SPTB: variants seen among roughly 807,000 people sequenced by gnomAD.
SPTB encodes the protein spectrin beta chain, erythrocytic.
A neutral mutation model predicts 256.2 loss-of-function variants in SPTB; 45 were observed. That is an observed-to-expected ratio of 0.18 (90% CI 0.14 to 0.23). SPTB has a LOEUF of 0.23. Among genes scored for constraint, SPTB ranks in the 10% least tolerant of loss-of-function variants. The pLI is 1.00. For missense variants in SPTB, 2,715 were observed against 3,040.4 expected (o/e 0.89, Z 2.52); for synonymous variants, 1,231 against 1,243.1 (o/e 0.99, Z 0.21).
At chr14:64,814,264 C>T (rs1221267235) in intron 2 of SPTB, among the ~76,000 whole-genome samples, 1 of 152,118 alleles carries the variant, frequency 6.6e-6, no homozygotes, top group Non-Finnish European at 1.5e-5. Context: ...AAATAATTTG[C>T]ATGTTTGCTG....
intron 1 of SPTB, among the ~76,000 whole-genome samples, chr14:64,859,247 C>A (rs2083920487): frequency 6.6e-6 from 1 of 152,060 alleles, no homozygotes; most frequent in Admixed American, 6.6e-5. Flanking sequence ...GAGCGAGACT[C>A]CGTCTCAGAA....
At chr14:64,836,846 C>T (rs1384236474) in intron 1 of SPTB, among the ~76,000 whole-genome samples, 1 of 152,162 alleles carries the variant, frequency 6.6e-6, no homozygotes, top group Non-Finnish European at 1.5e-5. Flanking sequence ...GCCAGAGTAT[C>T]CCTCTCAGGG....
At chr14:64,832,368 C>A (rs1298909278) in intron 1 of SPTB, among the ~76,000 whole-genome samples, 1 of 152,220 alleles carries the variant, frequency 6.6e-6, no homozygotes, top group Non-Finnish European at 1.5e-5. Context: ...CCAAGACACG[C>A]TCCTTGTTCC....
At chr14:64,817,344 C>T (rs1312822023) in intron 2 of SPTB, among the ~76,000 whole-genome samples, 2 of 152,216 alleles carry the variant, frequency 1.3e-5, no homozygotes, top group African/African-American at 4.8e-5. Flanking sequence ...TTCCCTCTGA[C>T]ATTAAAATGG....
chr14:64,759,553 C>T lies in SPTB; in HGVS notation c.6346-5760G>A, dbSNP rs1443659354. ...CTGAGGTGGGGACTGCCTTACCCGA[C>T]AGGAGGCGAGATCTATGGACAGAGA... On this transcript the variant is annotated intron_variant, in intron 32 of 35. Transcript: ENST00000644917. This position sits in a 1 kb window ranked among gnomAD's most constrained non-coding sequence, Gnocchi z 4.8. 1.3e-5 allele frequency among the ~76,000 whole-genome samples: 2 copies of T among 152,224 alleles called. No homozygotes were observed. Among genetic ancestry groups the T allele is most frequent in the Non-Finnish European group, 2.9e-5 (2 of 68,046 alleles).
chr14:64,866,474 T>C lies in SPTB; in HGVS notation c.-52+13318A>G, dbSNP rs975091049. 1.3e-5 allele frequency among the ~76,000 whole-genome samples: 2 copies of C among 152,132 alleles called. No individual in the cohort carries two copies. The highest frequency in any genetic ancestry group is 4.8e-5 in the African/African-American group (2 of 41,436). On this transcript the variant is annotated intron_variant, in intron 1 of 35. Transcript: ENST00000644917. This position sits in a 1 kb window ranked among gnomAD's most constrained non-coding sequence, Gnocchi z 4.6. The stretch of plus-strand genomic sequence containing the variant: ...AAGGCCTTTGAGGGCCTTCCGCTTA[T>C]CAGTTCATCTCAGACCCCACCACAT...
intron 1 of SPTB, among the ~76,000 whole-genome samples, chr14:64,831,377 A>C (rs2083448625): frequency 6.6e-6 from 1 of 152,222 alleles, no homozygotes; most frequent in South Asian, 2.1e-4. Context: ...CAGAGCCAAA[A>C]TTATTGACAA....
In SPTB at chr14:64,792,701, G is replaced by A. The variant is rs541269090; in HGVS notation, c.2666+296C>T. Among the ~76,000 whole-genome samples, 1 of 152,248 alleles carries A rather than the reference G, an allele frequency of 6.6e-6. No individual in the cohort carries two copies. ...CTCCATTTTTCCTCTGTGTGACCTG[G>A]GGGTTCCATACACAATTCATCTGAG... On this transcript the variant is annotated intron_variant, in intron 14 of 35. Coordinates refer to ENST00000644917, the MANE Select transcript of SPTB (RefSeq NM_001355436.2). This position sits in a 1 kb window ranked among gnomAD's most constrained non-coding sequence, Gnocchi z 4.2.
At chr14:64,861,891 C>T (rs1251969106) in intron 1 of SPTB, among the ~76,000 whole-genome samples, 27 of 152,212 alleles carry the variant, frequency 1.8e-4, no homozygotes, top group African/African-American at 9.7e-5. Flanking sequence ...TGAATTTCCA[C>T]GGCCTTGGAT....
Position 64,795,527 on chromosome 14 carries a change from G to A in SPTB, c.1454C>T (p.Ala485Val), listed in dbSNP as rs2082751397. ...EERVRALEDLAQELEKENYHD... is the reference protein window; with the variant it reads ...EERVRALEDLVQELEKENYHD... ...GTAGTTCTCTTTCTCCAGCTCCTGA[G>A]CCAGGTCCTCCAGGGCTCTCACCCG... The change falls in exon 12 of 36, where the codon GCT becomes GTT. Residue 485 changes from alanine to valine, a missense_variant. By Grantham distance (64) the Ala-to-Val change is moderately conservative. This residue lies in a region of SPTB where 416 missense variants were observed against 571.1 expected (regional missense o/e 0.73). Coordinates refer to ENST00000644917, the MANE Select transcript of SPTB (RefSeq NM_001355436.2). This position sits in a 1 kb window ranked among gnomAD's most constrained non-coding sequence, Gnocchi z 6.5. The A allele has an allele frequency of 6.2e-7, 1 of 1,614,158 alleles. No homozygotes were observed. The highest frequency in any genetic ancestry group is 8.5e-7 in the Non-Finnish European group (1 of 1,180,026).
Position 64,874,153 on chromosome 14 carries a change from C to T in SPTB, c.-52+5639G>A, listed in dbSNP as rs111900661. The stretch of plus-strand genomic sequence containing the variant: ...TGCCATGTGGAACTACACTTCATCC[C>T]CTAACCTAATCATGCTTTATTGTCT... On this transcript the variant is annotated intron_variant, in intron 1 of 35. Transcript: ENST00000644917. Among the ~76,000 whole-genome samples the T allele has an allele frequency of 7.7e-4, 118 of 152,324 alleles. 2 individuals carry two copies. Among genetic ancestry groups the T allele is most frequent in the African/African-American group, 2.4e-3 (98 of 41,570 alleles).
chr14:64,804,372 G>A (rs558918587), intron 3 of SPTB, among the ~76,000 whole-genome samples: 11 of 152,330 alleles, frequency 7.2e-5, no homozygotes, highest in Non-Finnish European at 1.5e-4. Context: ...ATCAGGTACA[G>A]GTATCATTGC....
At position 64,827,142 on chromosome 14, in the gene SPTB, C is replaced by T. The variant is rs1016513811; in HGVS notation, c.-51-3997G>A. Among the ~76,000 whole-genome samples the T allele has an allele frequency of 3.9e-5, 6 of 152,122 alleles. No homozygotes were observed. Among genetic ancestry groups the T allele is most frequent in the Non-Finnish European group, 8.8e-5 (6 of 68,022 alleles). ...CCAGCCTGCAGGGTGCTGACGGAGC[C>T]CAAGCTAGGACCCATGTCAGCCCTC... On this transcript the variant is annotated intron_variant, in intron 1 of 35. Transcript: ENST00000644917. This position sits in a 1 kb window ranked among gnomAD's most constrained non-coding sequence, Gnocchi z 4.6.
At chr14:64,769,803 G>A (rs1594756053) in intron 27 of SPTB, 75 bp from the exon 28 acceptor site, 2 of 1,596,110 alleles carry the variant, frequency 1.3e-6, no homozygotes, top group Non-Finnish European at 1.7e-6. Context: ...AACCAGAGGG[G>A]CCCACCTCCC....
Position 64,753,546 on chromosome 14 carries a change from G to A in SPTB, c.6593C>T (p.Ala2198Val), listed in dbSNP as rs1384501052. Residue 2198 changes from alanine to valine, a missense_variant, in exon 33 of 36, where the codon GCT becomes GTT. Ala to Val is a moderately conservative substitution (Grantham distance 64). This residue lies in a region of SPTB where 2,239 missense variants were observed against 2,384.4 expected (regional missense o/e 0.94). Coordinates refer to ENST00000644917, the MANE Select transcript of SPTB (RefSeq NM_001355436.2). ...CCTCTCCCGCACTCACCTGTTGGAA[G>A]CCTTCTTGTTGGGCCCCTCCAGGTC... is the stretch of plus-strand genomic sequence containing the variant. ...KHDLEGPNKK[A>V]SNRSWNNLYC... 1 of 1,613,514 alleles carries A rather than the reference G, an allele frequency of 6.2e-7. No homozygotes were observed. The highest frequency in any genetic ancestry group is 8.5e-7 in the Non-Finnish European group (1 of 1,180,020).
rs1204844778 is a variant in SPTB, at chr14:64,802,117, C to T, written c.566+109G>A. The T allele has an allele frequency of 1.9e-6, 2 of 1,055,480 alleles. No homozygotes were observed. The highest frequency in any genetic ancestry group is 2.9e-6 in the Non-Finnish European group (2 of 687,462). The allele number at this position is 1,055,480 out of a possible 1,614,324, so 65.4% of individuals were successfully genotyped here. A position where few individuals can be genotyped will look rare whatever the true frequency, so the allele number is the denominator to read the frequency against. ...AGACTTTGCATCAATTACAGGGAGG[C>T]AGCTGTAGTTCTGGGTGATGATGTC... On this transcript the variant is annotated intron_variant, in intron 5 of 35. Transcript: ENST00000644917. This position sits in a 1 kb window ranked among gnomAD's most constrained non-coding sequence, Gnocchi z 5.1.
intron 3 of SPTB, 69 bp downstream of exon 3, chr14:64,804,870 C>T: frequency 6.2e-7 from 1 of 1,603,350 alleles, no homozygotes; most frequent in Non-Finnish European, 8.5e-7. Context: ...CTTGAGATGC[C>T]CCCAAACCAT....
At chr14:64,804,000 G>A (rs17180532) in intron 3 of SPTB, among the ~76,000 whole-genome samples, 14,792 of 152,266 alleles carry the variant, frequency 0.097, 794 homozygotes, top group Middle Eastern at 0.11. Context: ...AGGCTGCATC[G>A]GTGCCCTTCT....
intron 1 of SPTB, among the ~76,000 whole-genome samples, chr14:64,850,182 G>T (rs949597120): frequency 6.6e-6 from 1 of 152,202 alleles, no homozygotes; most frequent in Admixed American, 6.5e-5. Context: ...AGGACAAGAA[G>T]GACTGACTGT....
Sources: gnomAD v4.1 joint callset for allele counts (sites outside exome capture counted in the v4.1 genomes callset) on GRCh38, gnomAD v4.1.1 for gene constraint, gnomAD v4.1.1 regional missense constraint, Gnocchi (gnomAD v3.1) non-coding constraint, MANE v1.5 for transcripts, NCBI Gene and HGNC (gene_info 2026-07-23, HGNC 2026-07-21) for gene names.